PDZRN4: variants seen among roughly 807,000 people sequenced by gnomAD.
PDZRN4 encodes the protein PDZ domain containing ring finger 4.
A neutral mutation model predicts 99.0 loss-of-function variants in PDZRN4; 70 were observed. The observed-to-expected ratio is 0.71, with a 90% CI of 0.58 to 0.86. PDZRN4 has a LOEUF of 0.86. PDZRN4 is among the 40% of genes least tolerant of loss of function. The probability of loss-of-function intolerance (pLI) is 0.00; values close to 1 mark genes in which losing one functional copy is unlikely to be tolerated. For synonymous variants in PDZRN4, 551 were observed against 501.6 expected (o/e 1.10, Z -1.32); for missense variants, 1,474 against 1,331.2 (o/e 1.11, Z -1.67).
chr12:41,202,760 A>G (rs1566356630), intron 3 of PDZRN4, among the ~76,000 whole-genome samples: 1 of 152,148 alleles, frequency 6.6e-6, no homozygotes, highest in Non-Finnish European at 1.5e-5. Flanking sequence ...CTGTAAAAGT[A>G]GAGCAATAAA....
chr12:41,442,593 G>A (rs1484712025), intron 3 of PDZRN4, among the ~76,000 whole-genome samples: 7 of 152,122 alleles, frequency 4.6e-5, no homozygotes, highest in South Asian at 2.1e-4. Flanking sequence ...AGCTGCTGGC[G>A]AAGGCCCATA....
intron 3 of PDZRN4, among the ~76,000 whole-genome samples, chr12:41,381,347 C>T (rs1227923451): frequency 1.3e-5 from 2 of 151,938 alleles, no homozygotes; most frequent in Non-Finnish European, 2.9e-5. Flanking sequence ...TCTCTCTCCC[C>T]TCTTATTTCC....
At chr12:41,522,816 T>A (rs1258671507) in intron 5 of PDZRN4, among the ~76,000 whole-genome samples, 3 of 152,128 alleles carry the variant, frequency 2.0e-5, no homozygotes, top group Admixed American at 2.0e-4. Flanking sequence ...ATCAGATCAA[T>A]CATGTGAAAA....
At chr12:41,273,752 G>A (rs551608827) in intron 3 of PDZRN4, among the ~76,000 whole-genome samples, 2 of 152,056 alleles carry the variant, frequency 1.3e-5, no homozygotes, top group South Asian at 4.2e-4. Flanking sequence ...ATGTTTTCAG[G>A]TTTACCTGCA....
intron 3 of PDZRN4, among the ~76,000 whole-genome samples, chr12:41,425,219 C>T (rs1030937203): frequency 2.0e-5 from 3 of 151,868 alleles, no homozygotes; most frequent in African/African-American, 7.3e-5. Flanking sequence ...TACACGAACA[C>T]ACACACTCAA....
intron 5 of PDZRN4, among the ~76,000 whole-genome samples, chr12:41,529,307 T>A (rs1938622045): frequency 6.6e-6 from 1 of 152,140 alleles, no homozygotes; most frequent in Admixed American, 6.5e-5. Context: ...CTCATTCCCT[T>A]TATAAGCTGA....
chr12:41,251,159 A>G (rs957062297), intron 3 of PDZRN4, among the ~76,000 whole-genome samples: 6 of 152,200 alleles, frequency 3.9e-5, no homozygotes, highest in Non-Finnish European at 7.3e-5. Context: ...TTTGGTACCC[A>G]TCAAGTGGAA....
intron 3 of PDZRN4, among the ~76,000 whole-genome samples, chr12:41,286,713 A>G (rs1465579780): frequency 2.6e-5 from 4 of 152,052 alleles, no homozygotes; most frequent in Non-Finnish European, 5.9e-5. Flanking sequence ...TGCTTTGGAC[A>G]TTGCTGTTGT....
At chr12:41,263,987 T>G (rs1285252172) in intron 3 of PDZRN4, among the ~76,000 whole-genome samples, 1 of 152,180 alleles carries the variant, frequency 6.6e-6, no homozygotes, top group Non-Finnish European at 1.5e-5. Context: ...AAACACACCC[T>G]TGACTTAACT....
chr12:41,562,000 A>G (rs1211928556), intron 7 of PDZRN4, among the ~76,000 whole-genome samples: 1 of 152,140 alleles, frequency 6.6e-6, no homozygotes, highest in African/African-American at 2.4e-5. Flanking sequence ...AGAGGTATTT[A>G]TGACAAACCG....
intron 3 of PDZRN4, among the ~76,000 whole-genome samples, chr12:41,302,654 G>A (rs915325425): frequency 1.1e-4 from 16 of 152,034 alleles, no homozygotes; most frequent in South Asian, 4.1e-4. Context: ...TGCACAGTGC[G>A]TTTTGGGAAG....
intron 5 of PDZRN4, among the ~76,000 whole-genome samples, chr12:41,549,058 T>G (rs1298518200): frequency 6.6e-6 from 1 of 152,182 alleles, no homozygotes; most frequent in Non-Finnish European, 1.5e-5. Context: ...TCACCAGGTG[T>G]GTGAAGTGAT....
chr12:41,255,332 A>T (rs953626243), intron 3 of PDZRN4, among the ~76,000 whole-genome samples: 1 of 152,222 alleles, frequency 6.6e-6, no homozygotes, highest in Non-Finnish European at 1.5e-5. Context: ...ATAGAGTTCG[A>T]TAATTAAGCC....
At chr12:41,361,705 A>G (rs2121059524) in intron 3 of PDZRN4, among the ~76,000 whole-genome samples, 1 of 152,186 alleles carries the variant, frequency 6.6e-6, no homozygotes, top group Middle Eastern at 3.4e-3. Context: ...ATGTCAGATA[A>G]AGGTGAAGCT....
chr12:41,303,071 G>A (rs1483543666), intron 3 of PDZRN4, among the ~76,000 whole-genome samples: 1 of 152,028 alleles, frequency 6.6e-6, no homozygotes, highest in African/African-American at 2.4e-5. Context: ...AGTGGAGTCA[G>A]TGAGCCGTGG....
chr12:41,332,455 G>A (rs1038832047), intron 3 of PDZRN4, among the ~76,000 whole-genome samples: 2 of 152,010 alleles, frequency 1.3e-5, no homozygotes, highest in Non-Finnish European at 2.9e-5. Flanking sequence ...TTTCTTTCCA[G>A]GTTTCGTGAT....
At chr12:41,273,025 T>G (rs1388563767) in intron 3 of PDZRN4, among the ~76,000 whole-genome samples, 45 of 152,050 alleles carry the variant, frequency 3.0e-4, no homozygotes, top group Admixed American at 3.0e-3. Context: ...AAAAGGCGCA[T>G]TTCCTTGTTG....
At chr12:41,242,571 A>T (rs896069775) in intron 3 of PDZRN4, among the ~76,000 whole-genome samples, 1 of 152,180 alleles carries the variant, frequency 6.6e-6, no homozygotes, top group Non-Finnish European at 1.5e-5. Context: ...TCCAAATTGT[A>T]ACACAAAATT....
intron 3 of PDZRN4, among the ~76,000 whole-genome samples, chr12:41,430,730 C>G (rs535825272): frequency 1.3e-5 from 2 of 152,150 alleles, no homozygotes; most frequent in African/African-American, 4.8e-5. Flanking sequence ...TTTAACATAA[C>G]AAAAATTGTA....
Sources: allele counts gnomAD v4.1 joint callset (sites outside exome capture counted in the v4.1 genomes callset), GRCh38; gene constraint gnomAD v4.1.1; transcripts MANE v1.5; gene names NCBI Gene and HGNC (gene_info 2026-07-23, HGNC 2026-07-21).